Variants in STK17B observed in about 807,000 individuals in gnomAD.
STK17B encodes serine/threonine-protein kinase 17B.
In STK17B, 21 loss-of-function variants were observed where a neutral mutation model predicts 42.0. The ratio of observed to expected loss-of-function variants is 0.50; its 90% CI spans 0.35 to 0.72. The LOEUF (loss-of-function observed/expected upper bound fraction) is 0.72, where lower values mean the gene tolerates loss of function less well. Ranked by LOEUF, STK17B falls within the 30% of genes least tolerant of loss-of-function variation. The probability of loss-of-function intolerance (pLI) is 0.00; values close to 1 mark genes in which losing one functional copy is unlikely to be tolerated. For missense variants in STK17B, 349 were observed against 446.0 expected (o/e 0.78, Z 1.96); for synonymous variants, 143 against 148.4 (o/e 0.96, Z 0.26).
chr2:196,170,319 G>A (rs540443896), intron 1 of STK17B, among the ~76,000 whole-genome samples: 25 of 152,270 alleles, frequency 1.6e-4, no homozygotes, highest in African/African-American at 5.8e-4. Flanking sequence ...GCCACACCAC[G>A]TCAAACGTCC....
chr2:196,148,846 T>C (rs1699620592), intron 3 of STK17B, among the ~76,000 whole-genome samples: 1 of 152,204 alleles, frequency 6.6e-6, no homozygotes, highest in Non-Finnish European at 1.5e-5. Flanking sequence ...AGTGAAAGTA[T>C]GGAAAGCAAT....
intron 7 of STK17B, 142 bp downstream of exon 7, chr2:196,139,478 A>G (rs1361973039): frequency 2.1e-6 from 1 of 470,436 alleles, no homozygotes; most frequent in Non-Finnish European, 3.3e-6. Flanking sequence ...CATACCACCT[A>G]TTTTACCTAG....
At chr2:196,166,136 C>T (rs1699872099) in intron 1 of STK17B, 1 of 152,186 alleles carries the variant, frequency 6.6e-6, no homozygotes, top group South Asian at 2.1e-4. Flanking sequence ...TTCTTAAGTT[C>T]ATTTTCCTTT....
At chr2:196,155,018 A>C (rs1283457700) in intron 3 of STK17B, 2 of 152,212 alleles carry the variant, frequency 1.3e-5, no homozygotes, top group Non-Finnish European at 1.5e-5. Context: ...AAATGTCTCA[A>C]ATCTTTCCGA....
Position 196,139,779 on chromosome 2 carries a change from T to C in STK17B, c.677A>G (p.Tyr226Cys), listed in dbSNP as rs776508128. The change falls in exon 7 of 8, where the codon TAT becomes TGT. Residue 226 changes from tyrosine (Y) to cysteine (C), a missense_variant. Tyr to Cys is a radical substitution (Grantham distance 194). Transcript: ENST00000263955. ...TGGTGATGTGTGAGTTAACAACATA[T>C]ATGCTATTATACCAATATTCCTGAA... The part of the protein sequence containing the change: ...TDMWNIGIIA[Y>C]MLLTHTSPFV... The C allele has an allele frequency of 1.4e-6, 2 of 1,416,848 alleles. No homozygotes were observed. The highest frequency in any genetic ancestry group is 5.5e-5 in the Admixed American group (2 of 36,404). 87.8% of individuals were successfully genotyped at this position (1,416,848 alleles called of 1,614,324 possible).
At chr2:196,144,461 T>C (rs188972465) in intron 4 of STK17B, among the ~76,000 whole-genome samples, 65 of 108,810 alleles carry the variant, frequency 6.0e-4, no homozygotes, top group African/African-American at 7.1e-5. Flanking sequence ...CAATTCAGCC[T>C]GGGCGACAGA....
At chr2:196,168,279 A>C (rs544380601) in intron 1 of STK17B, among the ~76,000 whole-genome samples, 30 of 152,284 alleles carry the variant, frequency 2.0e-4, no homozygotes, top group African/African-American at 7.0e-4. Context: ...CCTAAGGCCT[A>C]ATGCTGTGTC....
chr2:196,161,215 CG>C (rs766996626), intron 2 of STK17B, among the ~76,000 whole-genome samples: 26 of 151,118 alleles, frequency 1.7e-4, no homozygotes, highest in Non-Finnish European at 3.2e-4. Flanking sequence ...AGTAAGACCA[CG>C]GACCACTGAA....
chr2:196,162,535 A>G (rs1468969317), intron 2 of STK17B, among the ~76,000 whole-genome samples: 2 of 152,060 alleles, frequency 1.3e-5, no homozygotes, highest in African/African-American at 4.8e-5. Flanking sequence ...CTTAATCCTC[A>G]TAACAACCAT....
intron 2 of STK17B, 55 bp from the exon 3 acceptor site, chr2:196,156,706 T>C (rs1241784617): frequency 2.2e-6 from 3 of 1,355,268 alleles, no homozygotes; most frequent in Admixed American, 2.1e-5. Context: ...ACAACGTTAG[T>C]ATATTACAGA....
Position 196,163,369 on chromosome 2 carries a change from T to G in STK17B, c.15A>C (p.Arg5Ser). ...GGCCTGAAATACTTCGGCAATCAAA[T>G]CTCCTCCTCGACATGTTAGGTGATT... MSRRRFDCRSISGLL... is the reference protein window; with the variant it reads MSRRSFDCRSISGLL... The change falls in exon 2 of 8, where the codon AGA (arginine) becomes AGC (serine). Residue 5 changes from arginine to serine, a missense_variant. Arg to Ser is a moderately radical substitution (Grantham distance 110, BLOSUM62 -1). Coordinates refer to ENST00000263955, the MANE Select transcript of STK17B (RefSeq NM_004226.4). The G allele has an allele frequency of 6.3e-7, 1 of 1,596,868 alleles. No individual in the cohort carries two copies. The highest frequency in any genetic ancestry group is 1.1e-5 in the South Asian group (1 of 87,260).
At chr2:196,168,678 G>C (rs1177156435) in intron 1 of STK17B, among the ~76,000 whole-genome samples, 1 of 152,128 alleles carries the variant, frequency 6.6e-6, no homozygotes, top group Non-Finnish European at 1.5e-5. Context: ...TGGCACTGAA[G>C]TTTGAGGTTA....
In STK17B at chr2:196,135,860, T is replaced by C. The variant is rs555137047; in HGVS notation, c.*1587A>G. 71 of 139,972 alleles carry C rather than the reference T, an allele frequency of 5.1e-4. No individual in the cohort carries two copies. The highest frequency in any genetic ancestry group is 1.5e-3 in the African/African-American group (59 of 40,246). 8.7% of individuals were successfully genotyped at this position (139,972 alleles called of 1,614,324 possible). On this transcript the variant is annotated 3_prime_UTR_variant, in exon 8 of 8. Coordinates refer to ENST00000263955, the MANE Select transcript of STK17B (RefSeq NM_004226.4). ...ACAGCAAAGAATCTTGAAAAGTGTC[T>C]AAAGAATGTATTGTATCTATCTATA...
chr2:196,144,554 G>C (rs1376669248), intron 4 of STK17B, among the ~76,000 whole-genome samples: 2 of 137,626 alleles, frequency 1.5e-5, no homozygotes, highest in Admixed American at 7.3e-5. Context: ...CTGGGGAACA[G>C]CACAAAAGAA....
chr2:196,171,841 C>A (rs1699951265), upstream of STK17B, among the ~76,000 whole-genome samples: 2 of 149,218 alleles, frequency 1.3e-5, no homozygotes, highest in South Asian at 2.1e-4. Flanking sequence ...GCGGAGGGGG[C>A]GGCGCTGCAG....
rs552775691 is a variant in STK17B at position 196,134,650 on chromosome 2, T to C, written c.*2797A>G. The C allele has an allele frequency of 2.6e-5, 4 of 152,304 alleles. No homozygotes were observed. Among genetic ancestry groups the C allele is most frequent in the South Asian group, 4.1e-4 (2 of 4,828 alleles). The allele number at this position is 152,304 out of a possible 1,614,324, so 9.4% of individuals were successfully genotyped here. A position where few individuals can be genotyped will look rare whatever the true frequency, so the allele number is the denominator to read the frequency against. On this transcript the variant is annotated 3_prime_UTR_variant, in exon 8 of 8. Coordinates refer to ENST00000263955, the MANE Select transcript of STK17B (RefSeq NM_004226.4). ...CTGCTCAGAGCTAGGTTCTTTACTG[T>C]AGGGAAAATAATTAAAATGACAATT...
At chr2:196,175,940 A>G (rs1265807317), upstream of STK17B, among the ~76,000 whole-genome samples, 1 of 152,214 alleles carries the variant, frequency 6.6e-6, no homozygotes, top group African/African-American at 2.4e-5. Flanking sequence ...GGACTTGCAA[A>G]AGATCACACA....
At chr2:196,151,777 T>C (rs1699669439) in intron 3 of STK17B, among the ~76,000 whole-genome samples, 1 of 152,324 alleles carries the variant, frequency 6.6e-6, no homozygotes, top group East Asian at 1.9e-4. Context: ...TATGTATAAA[T>C]AGATCTAATA....
upstream of STK17B, among the ~76,000 whole-genome samples, chr2:196,173,766 TTGAA>T (rs1699974081): frequency 6.6e-6 from 1 of 152,228 alleles, no homozygotes; most frequent in Non-Finnish European, 1.5e-5. Flanking sequence ...TTGACCATCC[TTGAA>T]TGACACATTC....
Sources: gnomAD v4.1 joint callset for allele counts (sites outside exome capture counted in the v4.1 genomes callset) on GRCh38, gnomAD v4.1.1 for gene constraint, MANE v1.5 for transcripts, NCBI Gene and HGNC (gene_info 2026-07-23, HGNC 2026-07-21) for gene names.